The following BAALC variants were observed in gnomAD, a reference collection of about 807,000 sequenced individuals.
BAALC encodes the protein BAALC binder of MAP3K1 and KLF4.
BAALC carries 9 observed loss-of-function variants against 15.5 expected under a neutral mutation model. That is an observed-to-expected ratio of 0.58 (90% confidence interval 0.35 to 1.02). The LOEUF (loss-of-function observed/expected upper bound fraction) is 1.02. Among genes scored for constraint, BAALC ranks in the 50% least tolerant of loss-of-function variants. The pLI, the probability that BAALC is intolerant of heterozygous loss-of-function variation, is 0.02. For synonymous variants in BAALC, 80 were observed against 74.6 expected (o/e 1.07, Z -0.37); for missense variants, 201 against 192.4 (o/e 1.04, Z -0.27).
At chr8:103,184,684 T>C (rs1338050548) in intron 1 of BAALC, among the ~76,000 whole-genome samples, 1 of 152,176 alleles carries the variant, frequency 6.6e-6, no homozygotes, top group Non-Finnish European at 1.5e-5. Context: ...TGAGTGTATA[T>C]GGGAGGGAGG....
At chr8:103,159,467 A>G (rs1388860047) in intron 1 of BAALC, among the ~76,000 whole-genome samples, 1 of 152,274 alleles carries the variant, frequency 6.6e-6, no homozygotes, top group South Asian at 2.1e-4. Context: ...GTAAATGCCA[A>G]ATGTTTTCCC....
intron 1 of BAALC, among the ~76,000 whole-genome samples, chr8:103,148,542 C>T (rs992292253): frequency 1.3e-5 from 2 of 152,216 alleles, no homozygotes; most frequent in Non-Finnish European, 2.9e-5. Context: ...TCTAGTTATA[C>T]TTTGTTATTT....
At chr8:103,197,077 A>G (rs79496779) in intron 1 of BAALC, among the ~76,000 whole-genome samples, 1,622 of 152,346 alleles carry the variant, frequency 0.011, 40 homozygotes, top group African/African-American at 0.036. Context: ...CATTTGAACT[A>G]TGGATTACCT....
At chr8:103,168,509 TTG>T (rs996588350) in intron 1 of BAALC, among the ~76,000 whole-genome samples, 6 of 136,660 alleles carry the variant, frequency 4.4e-5, no homozygotes, top group Non-Finnish European at 7.9e-5. Flanking sequence ...AAATATGTGT[TTG>T]TTTTTTTTTT....
chr8:103,203,172 T>C (rs1383956216), intron 1 of BAALC, among the ~76,000 whole-genome samples: 3 of 152,226 alleles, frequency 2.0e-5, no homozygotes, highest in African/African-American at 7.2e-5. Flanking sequence ...CCATTTCCCC[T>C]ACCAAACCCT....
intron 1 of BAALC, chr8:103,153,398 T>A (rs1364400603): frequency 2.0e-5 from 3 of 152,238 alleles, no homozygotes; most frequent in Non-Finnish European, 4.4e-5. Flanking sequence ...AATAATAATA[T>A]TGTTTTTAAT....
At chr8:103,194,370 GTCTTT>G (rs138513981) in intron 1 of BAALC, among the ~76,000 whole-genome samples, 7,598 of 152,222 alleles carry the variant, frequency 0.05, 202 homozygotes, top group South Asian at 0.11. Context: ...ATATAATGTA[GTCTTT>G]TCTTTAATTT....
At position 103,201,701 on chromosome 8, in the gene BAALC, G is replaced by A. The variant is rs529086454; in HGVS notation, c.161-11218G>A. 1.6e-3 allele frequency among the ~76,000 whole-genome samples: 237 copies of A among 152,308 alleles called. 1 individual carries two copies. The highest frequency in any genetic ancestry group is 3.8e-4 in the Non-Finnish European group (26 of 68,024). ...GAGACAGGGAGAAGCAGCAAGGAAA[G>A]GAAGGTGGTTGGAAAAAGGATTTAG... On this transcript the variant is annotated intron_variant, in intron 1 of 2. Transcript: ENST00000309982.
At chr8:103,193,681 C>T (rs1477529347) in intron 1 of BAALC, among the ~76,000 whole-genome samples, 1 of 152,182 alleles carries the variant, frequency 6.6e-6, no homozygotes, top group Non-Finnish European at 1.5e-5. Flanking sequence ...CTCTCTGAGC[C>T]ACTGTTTCCT....
intron 2 of BAALC, chr8:103,214,854 G>A (rs2130071488): frequency 6.6e-6 from 1 of 152,276 alleles, no homozygotes; most frequent in South Asian, 2.1e-4. Flanking sequence ...GGTAATGAGG[G>A]GTGTAGACTT....
intron 1 of BAALC, among the ~76,000 whole-genome samples, chr8:103,146,667 T>A (rs1810887493): frequency 6.6e-6 from 1 of 152,246 alleles, no homozygotes; most frequent in South Asian, 2.1e-4. Context: ...TTCTCTTTCC[T>A]CATCAGTTCT....
chr8:103,145,739 G>C (rs1810864615), intron 1 of BAALC, among the ~76,000 whole-genome samples: 1 of 152,168 alleles, frequency 6.6e-6, no homozygotes, highest in African/African-American at 2.4e-5. Flanking sequence ...TATTTTCTCT[G>C]CTATGTACCC....
chr8:103,189,092 G>T (rs761063963), intron 1 of BAALC, among the ~76,000 whole-genome samples: 1 of 152,194 alleles, frequency 6.6e-6, no homozygotes, highest in Non-Finnish European at 1.5e-5. Flanking sequence ...GTGCCTGGAA[G>T]GTAGTGTGTT....
At chr8:103,214,889 G>A (rs570097510) in intron 2 of BAALC, 15 of 152,236 alleles carry the variant, frequency 9.9e-5, no homozygotes, top group African/African-American at 3.1e-4. Flanking sequence ...CCTTAATAGA[G>A]TTCTGTATTG....
intron 1 of BAALC, among the ~76,000 whole-genome samples, chr8:103,210,599 G>A (rs1384419630): frequency 7.9e-5 from 12 of 152,194 alleles, no homozygotes; most frequent in Non-Finnish European, 1.5e-4. Flanking sequence ...TTTTCTTTAC[G>A]TTTGATTAAA....
chr8:103,142,983 C>G (rs193263166), intron 1 of BAALC, among the ~76,000 whole-genome samples: 218 of 152,294 alleles, frequency 1.4e-3, no homozygotes, highest in African/African-American at 4.8e-3. Context: ...CAGGACAGCA[C>G]CCTGAAATTG....
intron 1 of BAALC, among the ~76,000 whole-genome samples, chr8:103,191,762 C>G: frequency 6.6e-6 from 1 of 152,144 alleles, no homozygotes; most frequent in East Asian, 1.9e-4. Context: ...GCAAAGCCAA[C>G]TGCATCTACA....
chr8:103,165,542 G>A (rs1488379495), intron 1 of BAALC: 1 of 152,130 alleles, frequency 6.6e-6, no homozygotes. Context: ...GAGTACAAAC[G>A]CTGAGGTTTT....
chr8:103,200,514 G>T, intron 1 of BAALC: 1 of 442,318 alleles, frequency 2.3e-6, no homozygotes, highest in Non-Finnish European at 4.1e-6. Flanking sequence ...GAAAACAGCT[G>T]CCACTTCTTT....
Sources: allele counts gnomAD v4.1 joint callset (sites outside exome capture counted in the v4.1 genomes callset), GRCh38; gene constraint gnomAD v4.1.1; transcripts MANE v1.5; gene names NCBI Gene and HGNC (gene_info 2026-07-23, HGNC 2026-07-21).